The following PLA2R1 variants were observed in gnomAD, a reference collection of about 807,000 sequenced individuals.
The protein encoded by PLA2R1 is secretory phospholipase A2 receptor.
In PLA2R1, 158 loss-of-function variants were observed where a neutral mutation model predicts 195.9. The ratio of observed to expected loss-of-function variants is 0.81; its 90% confidence interval spans 0.71 to 0.92. The LOEUF is 0.92. Among genes scored for constraint, PLA2R1 ranks in the 40% least tolerant of loss-of-function variants. PLA2R1 has a pLI of 0.00. For synonymous variants in PLA2R1, 586 were observed against 598.2 expected (o/e 0.98, Z 0.30); for missense variants, 1,626 against 1,764.6 (o/e 0.92, Z 1.41).
At chr2:160,014,217 AT>A (rs1281330047) in intron 9 of PLA2R1, among the ~76,000 whole-genome samples, 2 of 140,270 alleles carry the variant, frequency 1.4e-5, no homozygotes, top group Non-Finnish European at 3.0e-5. Flanking sequence ...CAATATATGT[AT>A]TTTTTCTTTT....
At position 159,955,786 on chromosome 2, in the gene PLA2R1, C is replaced by A. The variant is rs774987677; in HGVS notation, c.3065G>T (p.Trp1022Leu). Residue 1022 changes from tryptophan (W) to leucine (L), a missense_variant, in exon 22 of 30, where the codon TGG becomes TTG. Transcript: ENST00000283243. ...MNLFGQTTSV[W>L]IGLQNDDYET... ...ATAATCATCATTTTGTAAACCTATC[C>A]ACACACTGGTGGTCTGGCCAAAAAG... 1 of 1,597,552 alleles carries A rather than the reference C, an allele frequency of 6.3e-7. No individual in the cohort carries two copies. Among genetic ancestry groups the A allele is most frequent in the African/African-American group, 1.3e-5 (1 of 74,478 alleles).
chr2:159,959,692 C>T (rs1415299072), intron 20 of PLA2R1, among the ~76,000 whole-genome samples: 1 of 152,082 alleles, frequency 6.6e-6, no homozygotes, highest in Non-Finnish European at 1.5e-5. Flanking sequence ...TCCCAGTGTT[C>T]CTACTCACAA....
intron 3 of PLA2R1, among the ~76,000 whole-genome samples, chr2:160,035,756 G>A (rs756484388): frequency 1.7e-4 from 26 of 152,028 alleles, no homozygotes; most frequent in Non-Finnish European, 3.4e-4. Context: ...AAGTGCATAC[G>A]TAGAATGACT....
At position 159,941,855 on chromosome 2, in the gene PLA2R1, A is replaced by T; in HGVS notation, c.4315T>A (p.Tyr1439Asn). 1 of 1,612,906 alleles carries T rather than the reference A, an allele frequency of 6.2e-7. No homozygotes were observed. Among genetic ancestry groups the T allele is most frequent in the Non-Finnish European group, 8.5e-7 (1 of 1,178,906 alleles). ...RRLAGFRNPY[Y>N]PATNFSTVYL... Reference sequence around the variant, plus strand: ...ACTGTACTAAAGTTGGTTGCAGGATAGTAAGGATTCCGAAACCCTGCAAGT... The same window carrying T: ...ACTGTACTAAAGTTGGTTGCAGGATTGTAAGGATTCCGAAACCCTGCAAGT... The change falls in exon 30 of 30, where the codon TAT becomes AAT. Residue 1439 changes from tyrosine (Y) to asparagine (N), a missense_variant. Tyr to Asn is a moderately radical substitution (Grantham distance 143, BLOSUM62 -2). Coordinates refer to ENST00000283243, the MANE Select transcript of PLA2R1 (RefSeq NM_007366.5).
rs753180320 is a variant in PLA2R1, at chr2:160,022,637, T to G, written c.1294+28A>C. Reference sequence around the variant, plus strand: ...TAGTTACTACATTATATTTTATGCCTTTTAAACCAAAGGCAGCTGGGACTC... The same window carrying G: ...TAGTTACTACATTATATTTTATGCCGTTTAAACCAAAGGCAGCTGGGACTC... On this transcript the variant is annotated intron_variant, in intron 7 of 29. Transcript: ENST00000283243. 2.1e-6 allele frequency: 3 copies of G among 1,452,134 alleles called. No homozygotes were observed. In the Admixed American group the frequency reaches 6.4e-5, roughly 31 times the overall value. 90.0% of individuals were successfully genotyped at this position (1,452,134 alleles called of 1,614,324 possible).
At chr2:160,037,457 C>T (rs1694233709) in intron 3 of PLA2R1, among the ~76,000 whole-genome samples, 1 of 152,118 alleles carries the variant, frequency 6.6e-6, no homozygotes, top group Admixed American at 6.6e-5. Flanking sequence ...TCAAAACCTT[C>T]AGATATCTGG....
chr2:159,947,465 T>C lies in PLA2R1; in HGVS notation c.3804A>G (p.Leu1268=), dbSNP rs1310404392. 1 of 1,613,104 alleles carries C rather than the reference T, an allele frequency of 6.2e-7. No homozygotes were observed. The highest frequency in any genetic ancestry group is 1.3e-5 in the African/African-American group (1 of 74,880). ...GAGCAGCCTCAAAACTCATACTGTC[T>C]AGGACTGTAGAAAAACTGTAGCAAT... The part of the protein sequence containing the change: ...KSNCYSFSTV[L]DSMSFEAAHE... The change falls in exon 26 of 30, where the codon CTA becomes CTG. Residue 1268 remains leucine, a synonymous_variant. Coordinates refer to ENST00000283243, the MANE Select transcript of PLA2R1 (RefSeq NM_007366.5).
intron 28 of PLA2R1, among the ~76,000 whole-genome samples, chr2:159,943,872 C>T (rs1341750196): frequency 6.6e-6 from 1 of 151,728 alleles, no homozygotes; most frequent in African/African-American, 2.4e-5. Flanking sequence ...TTGGTGCCCA[C>T]ACCTGCAGTG....
intron 6 of PLA2R1, among the ~76,000 whole-genome samples, chr2:160,026,006 T>C (rs995033282): frequency 1.3e-5 from 2 of 152,332 alleles, no homozygotes; most frequent in South Asian, 2.1e-4. Flanking sequence ...GAGCAGACTA[T>C]AGTTGCTCTT....
chr2:159,931,017 C>CT (rs1164722551), downstream of PLA2R1, among the ~76,000 whole-genome samples: 2 of 152,176 alleles, frequency 1.3e-5, no homozygotes, highest in Non-Finnish European at 2.9e-5. Context: ...GAGGGAAAGT[C>CT]TAACTTTCTG....
At chr2:160,022,563 T>C in intron 7 of PLA2R1, 102 bp downstream of exon 7, 1 of 609,922 alleles carries the variant, frequency 1.6e-6, no homozygotes, top group Non-Finnish European at 2.7e-6. Context: ...GTGCAATGAA[T>C]AACCACTTTT....
At chr2:160,022,886 C>G (rs1377998743) in intron 6 of PLA2R1, 27 bp from the exon 7 acceptor site, 1 of 1,451,860 alleles carries the variant, frequency 6.9e-7, no homozygotes, top group Non-Finnish European at 9.5e-7. Context: ...AAAACAATGT[C>G]ATTTTCCACA....
downstream of PLA2R1, among the ~76,000 whole-genome samples, chr2:159,927,401 G>A (rs1686519234): frequency 6.6e-6 from 1 of 152,148 alleles, no homozygotes; most frequent in African/African-American, 2.4e-5. Flanking sequence ...CTAGAAACAT[G>A]GAGCAAAACA....
chr2:159,924,499 T>G, the PLA2R1 span, among the ~76,000 whole-genome samples: 1 of 152,174 alleles, frequency 6.6e-6, no homozygotes, highest in Non-Finnish European at 1.5e-5. Context: ...TAGCTTCATG[T>G]CAGGAAAGGT....
In PLA2R1 at chr2:159,979,851, C is replaced by T. The variant is rs1689827056; in HGVS notation, c.2247G>A (p.Trp749Ter). 1.2e-6 allele frequency: 2 copies of T among 1,602,512 alleles called. No homozygotes were observed. Among genetic ancestry groups the T allele is most frequent in the Admixed American group, 3.3e-5 (2 of 59,832 alleles). Residue 749 changes from tryptophan to a stop codon, truncating the protein, a stop_gained, in exon 14 of 30, where the codon TGG (tryptophan) becomes TGA (stop). Coordinates refer to ENST00000283243, the MANE Select transcript of PLA2R1 (RefSeq NM_007366.5). LOFTEE classifies it high-confidence loss of function. ...TTACAGGAGTTCTATCAGACCACTC[C>T]CATGAGCCGGCATTCAGTGGGTTTC... is the stretch of plus-strand genomic sequence containing the variant. Reference protein sequence around the residue: ...NKRNPLNAGSWEWSDRTPVVS... With the variant: ...NKRNPLNAGS
At chr2:159,992,235 A>C (rs540178945) in intron 11 of PLA2R1, among the ~76,000 whole-genome samples, 6,025 of 151,840 alleles carry the variant, frequency 0.04, 415 homozygotes, top group African/African-American at 0.14. Flanking sequence ...GCATTTTTTC[A>C]TGTGTTTTTT....
At chr2:160,013,165 T>C in intron 10 of PLA2R1, 98 bp downstream of exon 10, 1 of 551,340 alleles carries the variant, frequency 1.8e-6, no homozygotes. Context: ...TATAGCACAA[T>C]TTAGATTTTG....
chr2:159,979,837 C>G lies in PLA2R1; in HGVS notation c.2261G>C (p.Arg754Thr). Residue 754 changes from arginine to threonine, a missense_variant, in exon 14 of 30, where the codon AGA becomes ACA. Coordinates refer to ENST00000283243, the MANE Select transcript of PLA2R1 (RefSeq NM_007366.5). ...LNAGSWEWSD[R>T]TPVVSSFLDN... Reference sequence around the variant, plus strand: ...CAGTTTGAAAAGACTTACAGGAGTTCTATCAGACCACTCCCATGAGCCGGC... The same window carrying G: ...CAGTTTGAAAAGACTTACAGGAGTTGTATCAGACCACTCCCATGAGCCGGC... 2 of 1,582,504 alleles carry G rather than the reference C, an allele frequency of 1.3e-6. No individual in the cohort carries two copies. The highest frequency in any genetic ancestry group is 1.7e-4 in the Middle Eastern group (1 of 6,006).
rs1482362460 is a variant in PLA2R1 at position 159,955,253 on chromosome 2, A to T, written c.3247T>A (p.Tyr1083Asn). Residue 1083 changes from tyrosine (Y) to asparagine (N), a missense_variant, in exon 23 of 30, where the codon TAT becomes AAT. Physicochemically the swap from Tyr to Asn is moderately radical, Grantham distance 143. Transcript: ENST00000283243. ...NPNFHFTGKW[Y>N]FEDCGKEGYG... ...CCTTCCTTTCCACAGTCTTCAAAAT[A>T]CCATTTTCCAGTGAAATGAAAATTA... is the stretch of plus-strand genomic sequence containing the variant. 1.2e-6 allele frequency: 2 copies of T among 1,610,550 alleles called. No homozygotes were observed. Among genetic ancestry groups the T allele is most frequent in the African/African-American group, 1.3e-5 (1 of 74,858 alleles).
Sources: gnomAD v4.1 joint callset for allele counts (sites outside exome capture counted in the v4.1 genomes callset) on GRCh38, gnomAD v4.1.1 for gene constraint, MANE v1.5 for transcripts, NCBI Gene and HGNC (gene_info 2026-07-23, HGNC 2026-07-21) for gene names.